Variants in TPRA1 observed in about 807,000 individuals in gnomAD.
The protein encoded by TPRA1 is transmembrane protein adipocyte-associated 1.
In TPRA1, 28 loss-of-function variants were observed where a neutral mutation model predicts 40.1. The observed-to-expected ratio is 0.70, with a 90% confidence interval of 0.52 to 0.96. TPRA1 has a LOEUF of 0.96. Ranked by LOEUF, TPRA1 falls within the 40% of genes least tolerant of loss-of-function variation. The pLI, the probability that TPRA1 is intolerant of heterozygous loss-of-function variation, is 0.00. For synonymous variants in TPRA1, 219 were observed against 209.7 expected, an observed-to-expected ratio of 1.04 and a Z score of -0.38; for missense variants, 441 against 482.6, an observed-to-expected ratio of 0.91 and a Z score of 0.81.
chr3:127,580,809 A>G (rs1225314533), intron 1 of TPRA1, among the ~76,000 whole-genome samples: 1 of 152,262 alleles, frequency 6.6e-6, no homozygotes, highest in Admixed American at 6.5e-5. Flanking sequence ...TGGAGGGGAC[A>G]CTGAGCCATG....
chr3:127,576,647 TGTG>T lies in TPRA1; in HGVS notation c.465_467del (p.Thr156del), dbSNP rs1238960231. The stretch of plus-strand genomic sequence containing the variant: ...TGACAGAGTAGGCCAGGGACAGCAC[TGTG>T]GTGATGGCCAGCACCCGCTTGATGC... On this transcript the variant is annotated inframe_deletion, in exon 6 of 11. Transcript: ENST00000355552. The surrounding 1 kb of genome is among the most constrained non-coding windows in gnomAD (Gnocchi z 4.6). 6.2e-7 allele frequency: 1 copy of T among 1,610,218 alleles called. No individual in the cohort carries two copies. The highest frequency in any genetic ancestry group is 8.5e-7 in the Non-Finnish European group (1 of 1,178,376).
Position 127,573,454 on chromosome 3 carries a change from C to T in TPRA1, c.*67G>A, listed in dbSNP as rs1012998222. ...GAACGTCCCTTGACCTGGTCCTCCT[C>T]CCCTGGGGACTCTGGGCCTGCTGGC... On this transcript the variant is annotated 3_prime_UTR_variant, in exon 11 of 11. Coordinates refer to ENST00000355552, the MANE Select transcript of TPRA1 (RefSeq NM_001136053.4). 7 of 1,540,234 alleles carry T rather than the reference C, an allele frequency of 4.5e-6. No homozygotes were observed. The African/African-American group carries it at 8.2e-5, about 18-fold the overall frequency.
chr3:127,581,171 G>A (rs189712910), intron 1 of TPRA1, among the ~76,000 whole-genome samples: 103 of 152,362 alleles, frequency 6.8e-4, no homozygotes, highest in Non-Finnish European at 1.1e-3. Flanking sequence ...GCACCAGAAC[G>A]TAACAGATGC....
At position 127,572,159 on chromosome 3, in the gene TPRA1, G is replaced by A. The variant is rs1319369926; in HGVS notation, c.*1362C>T. On this transcript the variant is annotated 3_prime_UTR_variant, in exon 11 of 11. Coordinates refer to ENST00000355552, the MANE Select transcript of TPRA1 (RefSeq NM_001136053.4). ...CTATCAACCCTCCAGGCCCTCCCAG[G>A]GAGCCTGACACATTGGCCCCACAGA... Among the ~76,000 whole-genome samples the A allele has an allele frequency of 1.3e-5, 2 of 152,220 alleles. No homozygotes were observed. The highest frequency in any genetic ancestry group is 2.9e-5 in the Non-Finnish European group (2 of 68,032).
intron 1 of TPRA1, among the ~76,000 whole-genome samples, chr3:127,586,685 C>A (rs184726239): frequency 6.6e-6 from 1 of 152,198 alleles, no homozygotes; most frequent in Non-Finnish European, 1.5e-5. Context: ...TAAAGCCAAG[C>A]CAGGCAGAGT....
chr3:127,579,590 G>T, intron 3 of TPRA1, 150 bp downstream of exon 3: 2 of 954,158 alleles, frequency 2.1e-6, no homozygotes, highest in South Asian at 1.7e-5. Flanking sequence ...GTCCCAAAGA[G>T]ATCAGAGATG....
chr3:127,588,317 T>A (rs2074062331), intron 1 of TPRA1, among the ~76,000 whole-genome samples: 1 of 152,196 alleles, frequency 6.6e-6, no homozygotes, highest in African/African-American at 2.4e-5. Context: ...GTGCCCCTGC[T>A]GCTGCTACTT....
At chr3:127,578,714 C>T (rs1302668274) in intron 3 of TPRA1, among the ~76,000 whole-genome samples, 1 of 152,206 alleles carries the variant, frequency 6.6e-6, no homozygotes, top group Non-Finnish European at 1.5e-5. Context: ...GGACATCAGG[C>T]CACTACAACC....
At chr3:127,582,390 A>G (rs1338800806) in intron 1 of TPRA1, among the ~76,000 whole-genome samples, 1 of 151,996 alleles carries the variant, frequency 6.6e-6, no homozygotes, top group Non-Finnish European at 1.5e-5. Context: ...ACATAGCAAG[A>G]CCTCATCTCT....
At chr3:127,586,105 G>A (rs954356535) in intron 1 of TPRA1, among the ~76,000 whole-genome samples, 1 of 152,206 alleles carries the variant, frequency 6.6e-6, no homozygotes, top group Non-Finnish European at 1.5e-5. Context: ...AAAGGCATGT[G>A]ATGCCTCATG....
intron 3 of TPRA1, 95 bp downstream of exon 3, chr3:127,579,645 C>T: frequency 7.2e-7 from 1 of 1,390,500 alleles, no homozygotes. Context: ...TGGATCCAGC[C>T]ATACCTGAAG....
chr3:127,575,404 AG>A lies in TPRA1; in HGVS notation c.771del (p.Cys258AlafsTer3). ...VLLCFDIIEGLCCVDATTFLY... is the reference protein window; with the variant it reads ...VLLCFDIIEGXCCVDATTFLY... ...AGACACCCTGCGGCCCCCACGCACC[AG>A]AGCCCCTCGATGATGTCGAAGCACA... On this transcript the variant is annotated frameshift_variant and splice_region_variant, in exon 9 of 11. Transcript: ENST00000355552. LOFTEE classifies it high-confidence loss of function. The A allele has an allele frequency of 6.3e-7, 1 of 1,586,284 alleles. No homozygotes were observed.
intron 10 of TPRA1, chr3:127,574,881 T>G: frequency 8.0e-5 from 35 of 436,472 alleles, no homozygotes; most frequent in Non-Finnish European, 1.1e-4. Flanking sequence ...TGCACGTGCA[T>G]GTTTGTGTGC....
intron 1 of TPRA1, among the ~76,000 whole-genome samples, chr3:127,581,720 C>G (rs1440854802): frequency 1.3e-5 from 2 of 150,766 alleles, no homozygotes; most frequent in Non-Finnish European, 2.9e-5. Flanking sequence ...CGGGACCAGC[C>G]TAGACAACAT....
At chr3:127,580,716 C>T (rs919903378) in intron 1 of TPRA1, among the ~76,000 whole-genome samples, 1 of 152,262 alleles carries the variant, frequency 6.6e-6, no homozygotes, top group Non-Finnish European at 1.5e-5. Flanking sequence ...GGCCACAGCG[C>T]TGCTGAGGGC....
At chr3:127,589,050 AGAGCACCCTG>A (rs1211842449) in intron 1 of TPRA1, among the ~76,000 whole-genome samples, 24 of 151,674 alleles carry the variant, frequency 1.6e-4, no homozygotes, top group Admixed American at 5.9e-4. Flanking sequence ...CCTGCGGTGC[AGAGCACCCTG>A]GGCAACCCCA....
In TPRA1 at chr3:127,572,773, C is replaced by T. The variant is rs752857710; in HGVS notation, c.*748G>A. ...TTTAATGGAGCTGAGCAGAGAGAACCGGCTGCCCAAGACAACAGTGTGTGT... is the reference window on the plus strand; with the variant it reads ...TTTAATGGAGCTGAGCAGAGAGAACTGGCTGCCCAAGACAACAGTGTGTGT... On this transcript the variant is annotated 3_prime_UTR_variant, in exon 11 of 11. Coordinates refer to ENST00000355552, the MANE Select transcript of TPRA1 (RefSeq NM_001136053.4). 3.9e-5 allele frequency among the ~76,000 whole-genome samples: 6 copies of T among 152,176 alleles called. No homozygotes were observed. The highest frequency in any genetic ancestry group is 2.1e-4 in the South Asian group (1 of 4,816).
intron 3 of TPRA1, among the ~76,000 whole-genome samples, chr3:127,578,129 C>T (rs1328016111): frequency 3.3e-5 from 5 of 152,232 alleles, no homozygotes; most frequent in Admixed American, 6.5e-5. Context: ...TTCTGTGAGT[C>T]TCAGTTGGGT....
intron 1 of TPRA1, chr3:127,580,462 C>T (rs192209846): frequency 1.1e-4 from 36 of 329,600 alleles, no homozygotes; most frequent in African/African-American, 7.6e-4. Flanking sequence ...CCTTTCAGTC[C>T]TGAGGGCCCA....
Sources: gnomAD v4.1 joint callset for allele counts (sites outside exome capture counted in the v4.1 genomes callset) on GRCh38, gnomAD v4.1.1 for gene constraint, Gnocchi (gnomAD v3.1) non-coding constraint, MANE v1.5 for transcripts, NCBI Gene and HGNC (gene_info 2026-07-23, HGNC 2026-07-21) for gene names.